The following ARHGAP26 variants were observed in gnomAD, a reference collection of about 807,000 sequenced individuals.
ARHGAP26 encodes rho GTPase-activating protein 26.
ARHGAP26 carries 38 observed loss-of-function variants against 104.8 expected under a neutral mutation model. The ratio of observed to expected loss-of-function variants is 0.36; its 90% CI spans 0.28 to 0.48. ARHGAP26 has a LOEUF of 0.48. Ranked by LOEUF, ARHGAP26 falls within the 20% of genes least tolerant of loss-of-function variation. The pLI is 0.99. For missense variants in ARHGAP26, 704 were observed against 947.9 expected (o/e 0.74, Z 3.38); for synonymous variants, 341 against 340.0 (o/e 1.00, Z -0.03).
chr5:143,001,538 G>A (rs541093478), intron 11 of ARHGAP26, among the ~76,000 whole-genome samples: 1 of 152,342 alleles, frequency 6.6e-6, no homozygotes, highest in Non-Finnish European at 1.5e-5. Flanking sequence ...CATGTTTACT[G>A]TCTCTTCTTT....
Position 142,978,068 on chromosome 5 carries a change from C to T in ARHGAP26, c.1108-36012C>T, listed in dbSNP as rs538929672. Among the ~76,000 whole-genome samples, 3 of 152,342 alleles carry T rather than the reference C, an allele frequency of 2.0e-5. No homozygotes were observed. The South Asian group carries it at 6.2e-4, about 32-fold the overall frequency. On this transcript the variant is annotated intron_variant, in intron 11 of 22. Transcript: ENST00000645722. ...CATCTTGAAAATATTTTCCATTTCA[C>T]TCCTAGGTTCTTGTAGGCCTTCCCA...
intron 17 of ARHGAP26, among the ~76,000 whole-genome samples, chr5:143,059,911 C>T (rs1598843859): frequency 1.3e-5 from 2 of 152,090 alleles, no homozygotes; most frequent in South Asian, 2.1e-4. Flanking sequence ...TCTTGTCTCT[C>T]GAGCCTCTAT....
intron 18 of ARHGAP26, among the ~76,000 whole-genome samples, chr5:143,133,106 A>AT (rs1797545052): frequency 6.6e-6 from 1 of 152,216 alleles, no homozygotes; most frequent in Admixed American, 6.5e-5. Context: ...TATTATAATT[A>AT]TTAAAGTCTG....
intron 11 of ARHGAP26, among the ~76,000 whole-genome samples, chr5:142,971,111 T>C (rs37200): frequency 0.081 from 12,291 of 152,164 alleles, 769 homozygotes; most frequent in East Asian, 0.27. Context: ...TTTTCAGAGA[T>C]GTCCATTATA....
At chr5:143,185,636 C>G (rs749855118) in intron 20 of ARHGAP26, among the ~76,000 whole-genome samples, 1 of 152,214 alleles carries the variant, frequency 6.6e-6, no homozygotes, top group Non-Finnish European at 1.5e-5. Context: ...AACTCCACTA[C>G]TTTATCCGGT....
At chr5:143,222,274 CACA>C (rs1811295985) in intron 22 of ARHGAP26, 81 bp from the exon 23 acceptor site, 1 of 799,926 alleles carries the variant, frequency 1.3e-6, no homozygotes, top group Non-Finnish European at 1.9e-6. Flanking sequence ...CACACACACA[CACA>C]CACACACCCC....
At chr5:142,999,734 G>A (rs1395494984) in intron 11 of ARHGAP26, among the ~76,000 whole-genome samples, 1 of 152,000 alleles carries the variant, frequency 6.6e-6, no homozygotes, top group East Asian at 1.9e-4. Context: ...TATGTAATAG[G>A]ACATAGAAAG....
rs988960240 is a variant in ARHGAP26, at chr5:142,982,567, G to A, written c.1108-31513G>A. The stretch of plus-strand genomic sequence containing the variant: ...GGAATTGGCTGAATAGCGGAAGGAA[G>A]GAATCTGAAAAGGAAGGGAAGGATC... On this transcript the variant is annotated intron_variant, in intron 11 of 22. Coordinates refer to ENST00000645722, the MANE Select transcript of ARHGAP26 (RefSeq NM_001135608.3). 3.9e-5 allele frequency among the ~76,000 whole-genome samples: 6 copies of A among 152,282 alleles called. No homozygotes were observed. The South Asian group carries it at 8.3e-4, about 21-fold the overall frequency.
intron 11 of ARHGAP26, among the ~76,000 whole-genome samples, chr5:142,966,986 T>C (rs1378607080): frequency 6.6e-6 from 1 of 152,170 alleles, no homozygotes; most frequent in Non-Finnish European, 1.5e-5. Context: ...TCATAACTCT[T>C]TGTGTGTATA....
At chr5:143,139,953 G>T (rs1260460143) in intron 19 of ARHGAP26, among the ~76,000 whole-genome samples, 1 of 152,210 alleles carries the variant, frequency 6.6e-6, no homozygotes, top group African/African-American at 2.4e-5. Context: ...CCAAGGGTTT[G>T]CAAAGTGACA....
intron 20 of ARHGAP26, among the ~76,000 whole-genome samples, chr5:143,166,679 C>T (rs1801995651): frequency 6.6e-6 from 1 of 152,176 alleles, no homozygotes; most frequent in South Asian, 2.1e-4. Context: ...CCATCCAGCC[C>T]TGAGGGAAAG....
chr5:143,088,092 C>G (rs900014497), intron 17 of ARHGAP26, among the ~76,000 whole-genome samples: 1 of 152,220 alleles, frequency 6.6e-6, no homozygotes, highest in Non-Finnish European at 1.5e-5. Context: ...GCTGGTGCTA[C>G]TGTTCCTCAC....
chr5:142,906,697 C>T (rs1761153909), intron 8 of ARHGAP26, among the ~76,000 whole-genome samples: 1 of 152,174 alleles, frequency 6.6e-6, no homozygotes, highest in Admixed American at 6.5e-5. Flanking sequence ...ATTTTTTCCC[C>T]AGTCTGTAAG....
At chr5:142,914,580 A>G (rs1416216675) in intron 10 of ARHGAP26, among the ~76,000 whole-genome samples, 1 of 152,158 alleles carries the variant, frequency 6.6e-6, no homozygotes, top group Non-Finnish European at 1.5e-5. Flanking sequence ...TTTTTTGCTA[A>G]TAGCTTATCC....
At chr5:143,029,722 T>A (rs755879610) in intron 12 of ARHGAP26, among the ~76,000 whole-genome samples, 3 of 152,162 alleles carry the variant, frequency 2.0e-5, no homozygotes, top group Non-Finnish European at 4.4e-5. Flanking sequence ...ATCCTCTTGT[T>A]TTTATGCATA....
At chr5:142,882,832 A>AT (rs1757193246) in intron 4 of ARHGAP26, among the ~76,000 whole-genome samples, 1 of 152,194 alleles carries the variant, frequency 6.6e-6, no homozygotes, top group African/African-American at 2.4e-5. Context: ...AACCCGAGCA[A>AT]TTATCTAATC....
chr5:142,936,199 C>T (rs1189326235), intron 11 of ARHGAP26, among the ~76,000 whole-genome samples: 3 of 151,542 alleles, frequency 2.0e-5, no homozygotes, highest in South Asian at 4.2e-4. Context: ...ACAAGATAGA[C>T]ATATGCACAA....
At chr5:143,084,784 G>T (rs1407497482) in intron 17 of ARHGAP26, among the ~76,000 whole-genome samples, 1 of 152,050 alleles carries the variant, frequency 6.6e-6, no homozygotes, top group African/African-American at 2.4e-5. Flanking sequence ...GGTGGCTCAT[G>T]CCTATAATCC....
intron 1 of ARHGAP26, among the ~76,000 whole-genome samples, chr5:142,869,201 C>A (rs1000658083): frequency 7.7e-6 from 1 of 129,974 alleles, no homozygotes; most frequent in Admixed American, 7.5e-5. Context: ...TTTTCTTTTT[C>A]TTTTTTCTTT....
Sources: allele counts gnomAD v4.1 joint callset (sites outside exome capture counted in the v4.1 genomes callset), GRCh38; gene constraint gnomAD v4.1.1; transcripts MANE v1.5; gene names NCBI Gene and HGNC (gene_info 2026-07-23, HGNC 2026-07-21).